BCKDHB: variants seen among roughly 807,000 people sequenced by gnomAD.
BCKDHB encodes branched chain keto acid dehydrogenase E1 subunit beta.
BCKDHB carries 41 observed loss-of-function variants against 48.5 expected under a neutral mutation model. The observed-to-expected ratio is 0.85, with a 90% confidence interval of 0.66 to 1.10. The LOEUF (loss-of-function observed/expected upper bound fraction) is 1.10. Ranked by LOEUF, BCKDHB falls within the 50% of genes least tolerant of loss-of-function variation. The probability of loss-of-function intolerance (pLI) is 0.00; values close to 1 mark genes in which losing one functional copy is unlikely to be tolerated. For synonymous variants in BCKDHB, 201 were observed against 174.8 expected (o/e 1.15, Z -1.18); for missense variants, 496 against 494.2 (o/e 1.00, Z -0.03).
chr6:80,398,886 G>A, the BCKDHB span, among the ~76,000 whole-genome samples: 2 of 151,898 alleles, frequency 1.3e-5, no homozygotes, highest in African/African-American at 2.4e-5. Context: ...ACATCCAAAA[G>A]CTTATCCACC....
the BCKDHB span, among the ~76,000 whole-genome samples, chr6:80,362,115 A>G: frequency 2.0e-5 from 3 of 152,202 alleles, no homozygotes; most frequent in African/African-American, 7.2e-5. Flanking sequence ...ATTACTTGTA[A>G]GGACAAACAT....
the BCKDHB span, among the ~76,000 whole-genome samples, chr6:80,466,483 G>T: frequency 6.6e-6 from 1 of 152,056 alleles, no homozygotes; most frequent in Non-Finnish European, 1.5e-5. Flanking sequence ...TTTTCTAAGA[G>T]AGTAGATTTA....
At chr6:80,436,310 C>T in the BCKDHB span, among the ~76,000 whole-genome samples, 13 of 151,658 alleles carry the variant, frequency 8.6e-5, no homozygotes, top group African/African-American at 3.1e-4. Context: ...AGGTGACCGC[C>T]ACCACACCTG....
chr6:80,345,307 G>A lies in BCKDHB; in HGVS notation c.*1503G>A, dbSNP rs940198092. The A allele has an allele frequency of 2.0e-5, 3 of 152,014 alleles. No homozygotes were observed. The highest frequency in any genetic ancestry group is 7.2e-5 in the African/African-American group (3 of 41,388). 9.4% of individuals were successfully genotyped at this position (152,014 alleles called of 1,614,324 possible). ...TCCAAAAATGATAGTAATATCTTTT[G>A]AAGAACTATGCTTTTTCAAAAGCAA... On this transcript the variant is annotated 3_prime_UTR_variant, in exon 10 of 10. Coordinates refer to ENST00000320393, the MANE Select transcript of BCKDHB (RefSeq NM_183050.4).
In BCKDHB at chr6:80,136,393, G is replaced by C. The variant is rs115533825; in HGVS notation, c.343+7164G>C. Among the ~76,000 whole-genome samples, 1,347 of 152,168 alleles carry C rather than the reference G, an allele frequency of 8.9e-3. 17 individuals carry two copies. The highest frequency in any genetic ancestry group is 0.048 in the East Asian group (248 of 5,166). On this transcript the variant is annotated intron_variant, in intron 3 of 9. Coordinates refer to ENST00000320393, the MANE Select transcript of BCKDHB (RefSeq NM_183050.4). The stretch of plus-strand genomic sequence containing the variant: ...CAGTCTTTTCAACAAATGATGCTGG[G>C]AAAACTGGATATTCACATGCAAAAG...
At chr6:80,198,697 G>C (rs1774243572) in intron 6 of BCKDHB, among the ~76,000 whole-genome samples, 1 of 152,142 alleles carries the variant, frequency 6.6e-6, no homozygotes, top group Non-Finnish European at 1.5e-5. Context: ...GTTCTGAACA[G>C]TGTGTACAAT....
the BCKDHB span, among the ~76,000 whole-genome samples, chr6:80,452,022 G>T: frequency 6.6e-6 from 1 of 152,150 alleles, no homozygotes; most frequent in East Asian, 1.9e-4. Context: ...CTATGAATTG[G>T]CTATGACTGC....
the BCKDHB span, among the ~76,000 whole-genome samples, chr6:80,400,442 T>A: frequency 5.9e-5 from 9 of 151,966 alleles, no homozygotes; most frequent in Non-Finnish European, 1.3e-4. Context: ...AGATAAGACA[T>A]ACATACCACC....
intron 6 of BCKDHB, among the ~76,000 whole-genome samples, chr6:80,193,333 GATA>G (rs1485032024): frequency 1.8e-4 from 27 of 151,988 alleles, no homozygotes; most frequent in African/African-American, 6.0e-4. Context: ...GTTACTCAGT[GATA>G]ATAAGAAAAC....
At chr6:80,142,279 A>T (rs1216294529) in intron 3 of BCKDHB, among the ~76,000 whole-genome samples, 1 of 152,088 alleles carries the variant, frequency 6.6e-6, no homozygotes, top group East Asian at 1.9e-4. Flanking sequence ...ATTTTAAGAG[A>T]GTTTAACATA....
the BCKDHB span, among the ~76,000 whole-genome samples, chr6:80,366,947 A>T: frequency 6.6e-6 from 1 of 152,232 alleles, no homozygotes; most frequent in African/African-American, 2.4e-5. Flanking sequence ...GAAGGCAGCC[A>T]TGCAAAGTCT....
At chr6:80,295,365 G>A (rs1236514183) in intron 9 of BCKDHB, among the ~76,000 whole-genome samples, 4 of 152,108 alleles carry the variant, frequency 2.6e-5, no homozygotes, top group Non-Finnish European at 4.4e-5. Flanking sequence ...GTCACATCTC[G>A]TGTGGTGGCA....
the BCKDHB span, among the ~76,000 whole-genome samples, chr6:80,400,029 T>G: frequency 6.6e-6 from 1 of 152,088 alleles, no homozygotes; most frequent in Admixed American, 6.6e-5. Context: ...GCTAGCCACA[T>G]GCAGAAGATT....
chr6:80,371,221 T>C, the BCKDHB span, among the ~76,000 whole-genome samples: 1 of 152,214 alleles, frequency 6.6e-6, no homozygotes, highest in African/African-American at 2.4e-5. Context: ...CATTTTGATA[T>C]GCATTTACCT....
chr6:80,162,034 G>A (rs1387508422), intron 3 of BCKDHB, among the ~76,000 whole-genome samples: 4 of 152,104 alleles, frequency 2.6e-5, no homozygotes, highest in Non-Finnish European at 5.9e-5. Context: ...ATCTCTCTGT[G>A]TAAATCCTGA....
At chr6:80,148,393 T>C (rs1288897542) in intron 3 of BCKDHB, among the ~76,000 whole-genome samples, 1 of 152,152 alleles carries the variant, frequency 6.6e-6, no homozygotes, top group African/African-American at 2.4e-5. Flanking sequence ...ATGGTGACTT[T>C]TGAGCTCTTT....
the BCKDHB span, among the ~76,000 whole-genome samples, chr6:80,392,402 C>T: frequency 4.6e-5 from 7 of 151,710 alleles, no homozygotes; most frequent in African/African-American, 1.7e-4. Context: ...TTATTAACAC[C>T]GCATGTAGAT....
At chr6:80,210,345 T>C (rs189054176) in intron 8 of BCKDHB, among the ~76,000 whole-genome samples, 10 of 152,232 alleles carry the variant, frequency 6.6e-5, no homozygotes, top group Admixed American at 5.9e-4. Context: ...AGTAAGTACA[T>C]ACTGAATGAT....
At chr6:80,208,403 A>T (rs183081002) in intron 8 of BCKDHB, among the ~76,000 whole-genome samples, 20 of 151,850 alleles carry the variant, frequency 1.3e-4, no homozygotes, top group African/African-American at 4.6e-4. Context: ...AAAATTAATG[A>T]TCTGAATTTC....
Sources: allele counts gnomAD v4.1 joint callset (sites outside exome capture counted in the v4.1 genomes callset), GRCh38; gene constraint gnomAD v4.1.1; transcripts MANE v1.5; gene names NCBI Gene and HGNC (gene_info 2026-07-23, HGNC 2026-07-21).